Variants in MAF observed in about 807,000 individuals in gnomAD.
The protein encoded by MAF is MAF bZIP transcription factor.
In MAF, 10 loss-of-function variants were observed where a neutral mutation model predicts 22.0. That is an observed-to-expected ratio of 0.45 (90% confidence interval 0.28 to 0.77). The LOEUF is 0.77. Ranked by LOEUF, MAF falls within the 30% of genes least tolerant of loss-of-function variation. The pLI is 0.12. For synonymous variants in MAF, 337 were observed against 255.8 expected, an observed-to-expected ratio of 1.32 and a Z score of -3.03; for missense variants, 544 against 548.4, an observed-to-expected ratio of 0.99 and a Z score of 0.08.
At chr16:79,444,001 T>A in the MAF span, among the ~76,000 whole-genome samples, 1 of 152,172 alleles carries the variant, frequency 6.6e-6, no homozygotes, top group Admixed American at 6.5e-5. Context: ...GAGAATTAAT[T>A]AAACATTTAT....
At chr16:79,225,603 G>A in the MAF span, among the ~76,000 whole-genome samples, 1 of 152,020 alleles carries the variant, frequency 6.6e-6, no homozygotes, top group Non-Finnish European at 1.5e-5. Context: ...TACAGAATGG[G>A]AGAAAATTTT....
chr16:79,389,375 C>T, the MAF span, among the ~76,000 whole-genome samples: 1 of 152,140 alleles, frequency 6.6e-6, no homozygotes, highest in African/African-American at 2.4e-5. Context: ...GATTCTGCCT[C>T]AGCCTCCCAA....
At chr16:79,556,747 A>T in the MAF span, among the ~76,000 whole-genome samples, 4 of 152,230 alleles carry the variant, frequency 2.6e-5, no homozygotes, top group Non-Finnish European at 5.9e-5. Flanking sequence ...TAAGTTAGAT[A>T]ATCTCTCTAT....
chr16:79,277,802 A>G, the MAF span, among the ~76,000 whole-genome samples: 3 of 152,200 alleles, frequency 2.0e-5, no homozygotes, highest in Non-Finnish European at 4.4e-5. Context: ...CAATTGCCCA[A>G]GCCAATAATT....
the MAF span, among the ~76,000 whole-genome samples, chr16:79,358,723 C>G: frequency 6.6e-6 from 1 of 152,218 alleles, no homozygotes; most frequent in African/African-American, 2.4e-5. Context: ...TGAGCACTAA[C>G]TTTTAAGACT....
the MAF span, among the ~76,000 whole-genome samples, chr16:79,249,157 C>A: frequency 1.3e-5 from 2 of 152,088 alleles, no homozygotes; most frequent in African/African-American, 2.4e-5. Context: ...CGGTGGCTCA[C>A]GCCTGTAATC....
the MAF span, among the ~76,000 whole-genome samples, chr16:79,235,076 A>C: frequency 6.6e-6 from 1 of 152,056 alleles, no homozygotes; most frequent in Non-Finnish European, 1.5e-5. Context: ...ACAGATGCAA[A>C]AGCAATAAAG....
In MAF at chr16:79,599,003, G is replaced by C. The variant is rs951234818; in HGVS notation, c.900C>G (p.Gly300=). The C allele has an allele frequency of 4.3e-6, 7 of 1,613,732 alleles. No individual in the cohort carries two copies. The highest frequency in any genetic ancestry group is 5.1e-6 in the Non-Finnish European group (6 of 1,179,936). The part of the protein sequence containing the change: ...KQKRRTLKNR[G]YAQSCRFKRV... ...TCTTGAAGCGGCAGGACTGGGCATAGCCGCGGTTTTTCAGGGTCCGCCTCT... is the reference window on the plus strand; with the variant it reads ...TCTTGAAGCGGCAGGACTGGGCATACCCGCGGTTTTTCAGGGTCCGCCTCT... The change falls in exon 1 of 2, where the codon GGC becomes GGG. Residue 300 remains glycine (G), a synonymous_variant. Coordinates refer to ENST00000326043, the MANE Select transcript of MAF (RefSeq NM_005360.5).
chr16:79,514,374 A>G, the MAF span, among the ~76,000 whole-genome samples: 1 of 152,246 alleles, frequency 6.6e-6, no homozygotes, highest in Non-Finnish European at 1.5e-5. Flanking sequence ...GGTTTCATAA[A>G]TAATAGCTTT....
intron 1 of MAF, chr16:79,597,237 T>C (rs1913587723): frequency 9.5e-7 from 1 of 1,050,388 alleles, no homozygotes; most frequent in Non-Finnish European, 1.2e-6. Flanking sequence ...TTCAAATTTA[T>C]CTATAACATT....
chr16:79,413,642 T>C, the MAF span, among the ~76,000 whole-genome samples: 1 of 152,150 alleles, frequency 6.6e-6, no homozygotes, highest in African/African-American at 2.4e-5. Context: ...AAGCATTAGA[T>C]AAAATAACAT....
At chr16:79,326,842 G>A in the MAF span, among the ~76,000 whole-genome samples, 7 of 152,308 alleles carry the variant, frequency 4.6e-5, no homozygotes, top group East Asian at 1.4e-3. Flanking sequence ...TAATTCTTGA[G>A]GCATCCAGAG....
the MAF span, among the ~76,000 whole-genome samples, chr16:79,289,941 C>CACTG: frequency 6.8e-6 from 1 of 147,738 alleles, no homozygotes; most frequent in South Asian, 2.1e-4. Flanking sequence ...ACTGCAACCT[C>CACTG]CACCTCCTGG....
At chr16:79,232,360 A>G in the MAF span, among the ~76,000 whole-genome samples, 1 of 152,106 alleles carries the variant, frequency 6.6e-6, no homozygotes, top group Admixed American at 6.6e-5. Flanking sequence ...ACTTTACAAA[A>G]TTTGCATAAG....
At chr16:79,442,003 C>T in the MAF span, among the ~76,000 whole-genome samples, 31 of 152,264 alleles carry the variant, frequency 2.0e-4, 1 homozygote, top group African/African-American at 7.2e-4. Context: ...GCAGACACAG[C>T]CATGGAGTGC....
the MAF span, among the ~76,000 whole-genome samples, chr16:79,269,799 T>C: frequency 1.1e-4 from 16 of 152,240 alleles, no homozygotes; most frequent in East Asian, 3.1e-3. Context: ...AGCAAAGGAA[T>C]GTAATGAACT....
chr16:79,226,515 T>G, the MAF span, among the ~76,000 whole-genome samples: 1 of 152,072 alleles, frequency 6.6e-6, no homozygotes, highest in Non-Finnish European at 1.5e-5. Context: ...ACCCCAGAAC[T>G]TAAAGTATAT....
the MAF span, among the ~76,000 whole-genome samples, chr16:79,415,804 G>T: frequency 6.6e-6 from 1 of 151,766 alleles, no homozygotes; most frequent in Non-Finnish European, 1.5e-5. Context: ...AAAAATCCCG[G>T]AGCCTCAGCT....
At chr16:79,358,159 A>C in the MAF span, among the ~76,000 whole-genome samples, 1 of 152,142 alleles carries the variant, frequency 6.6e-6, no homozygotes, top group Non-Finnish European at 1.5e-5. Flanking sequence ...TTTCCCACCA[A>C]CAGCTAAACT....
Sources: allele counts gnomAD v4.1 joint callset (sites outside exome capture counted in the v4.1 genomes callset), GRCh38; gene constraint gnomAD v4.1.1; transcripts MANE v1.5; gene names NCBI Gene and HGNC (gene_info 2026-07-23, HGNC 2026-07-21).